The following RAD51B variants were observed in gnomAD, a reference collection of about 807,000 sequenced individuals.
The protein encoded by RAD51B is DNA repair protein RAD51 homolog 2.
RAD51B carries 38 observed loss-of-function variants against 42.2 expected under a neutral mutation model. The ratio of observed to expected loss-of-function variants is 0.90; its 90% CI spans 0.70 to 1.18. The LOEUF is 1.18. Among genes scored for constraint, RAD51B ranks in the 50% most tolerant of loss-of-function variants. The pLI, the probability that RAD51B is intolerant of heterozygous loss-of-function variation, is 0.00. For missense variants in RAD51B, 373 were observed against 400.7 expected, an observed-to-expected ratio of 0.93 and a Z score of 0.59; for synonymous variants, 154 against 145.2, an observed-to-expected ratio of 1.06 and a Z score of -0.43.
At chr14:67,930,943 C>T (rs1432751497) in intron 7 of RAD51B, among the ~76,000 whole-genome samples, 4 of 140,592 alleles carry the variant, frequency 2.8e-5, no homozygotes, top group South Asian at 4.4e-4. Context: ...TTTTTTGAGA[C>T]GGAGTCTCGC....
At chr14:67,897,708 G>A (rs1334331201) in intron 7 of RAD51B, among the ~76,000 whole-genome samples, 1 of 150,784 alleles carries the variant, frequency 6.6e-6, no homozygotes, top group Non-Finnish European at 1.5e-5. Context: ...GGAGTGCAAT[G>A]GCGCCATCTC....
At chr14:67,895,500 T>C (rs931408524) in intron 7 of RAD51B, among the ~76,000 whole-genome samples, 2 of 152,220 alleles carry the variant, frequency 1.3e-5, no homozygotes, top group Non-Finnish European at 2.9e-5. Flanking sequence ...CTACATCATT[T>C]TCCCAAAGTG....
chr14:68,436,239 G>A (rs2085144908), intron 9 of RAD51B, among the ~76,000 whole-genome samples: 1 of 152,084 alleles, frequency 6.6e-6, no homozygotes, highest in Non-Finnish European at 1.5e-5. Flanking sequence ...TCTGCCTATG[G>A]CTACCCAGCT....
At chr14:67,852,522 C>A (rs2041860451) in intron 4 of RAD51B, among the ~76,000 whole-genome samples, 1 of 152,168 alleles carries the variant, frequency 6.6e-6, no homozygotes, top group Non-Finnish European at 1.5e-5. Flanking sequence ...GTCTTCATGA[C>A]ACAACAGCTG....
chr14:68,448,039 T>C (rs1267847094), intron 9 of RAD51B, among the ~76,000 whole-genome samples: 1 of 152,140 alleles, frequency 6.6e-6, no homozygotes, highest in African/African-American at 2.4e-5. Flanking sequence ...CAAGTCTGAA[T>C]TGGGAGTGAG....
chr14:68,507,804 G>A (rs746225232), intron 10 of RAD51B, among the ~76,000 whole-genome samples: 12 of 152,162 alleles, frequency 7.9e-5, no homozygotes, highest in Admixed American at 2.0e-4. Flanking sequence ...CACGGTTCAC[G>A]TTCATGTTAT....
chr14:68,165,867 A>G (rs1294246259), intron 7 of RAD51B, among the ~76,000 whole-genome samples: 2 of 152,212 alleles, frequency 1.3e-5, no homozygotes, highest in Admixed American at 6.5e-5. Flanking sequence ...ATAATAATCC[A>G]TCTAATTTGG....
intron 7 of RAD51B, among the ~76,000 whole-genome samples, chr14:68,280,522 T>C (rs2081300445): frequency 6.6e-6 from 1 of 152,328 alleles, no homozygotes; most frequent in Non-Finnish European, 1.5e-5. Context: ...TGATAACGTT[T>C]ACCTCACTGA....
rs548594997 is a variant in RAD51B, at chr14:67,877,137, G to A, written c.453-8732G>A. Reference sequence around the variant, plus strand: ...TAATAAATAGATGTGGTCCAGGGATGCTAGCCATTCTGTAATGTGAGGGTC... The same window carrying A: ...TAATAAATAGATGTGGTCCAGGGATACTAGCCATTCTGTAATGTGAGGGTC... On this transcript the variant is annotated intron_variant, in intron 5 of 10. Coordinates refer to ENST00000471583, the MANE Select transcript of RAD51B (RefSeq NM_133510.4). Among the ~76,000 whole-genome samples, 10 of 152,178 alleles carry A rather than the reference G, an allele frequency of 6.6e-5. No homozygotes were observed. In the East Asian group the frequency reaches 1.7e-3, roughly 26 times the overall value.
At chr14:68,062,350 G>GT (rs1443790579) in intron 7 of RAD51B, among the ~76,000 whole-genome samples, 1 of 152,170 alleles carries the variant, frequency 6.6e-6, no homozygotes, top group Non-Finnish European at 1.5e-5. Context: ...TTGGCCTGTA[G>GT]TTTTCTCTTT....
At chr14:68,003,732 T>C (rs1287871599) in intron 7 of RAD51B, among the ~76,000 whole-genome samples, 1 of 152,202 alleles carries the variant, frequency 6.6e-6, no homozygotes, top group Non-Finnish European at 1.5e-5. Context: ...CATGAAAGGA[T>C]GTTGAATTTT....
intron 7 of RAD51B, among the ~76,000 whole-genome samples, chr14:68,132,196 G>A (rs895584596): frequency 6.6e-5 from 10 of 152,192 alleles, no homozygotes; most frequent in Non-Finnish European, 1.3e-4. Context: ...CTAAAGAATG[G>A]CAGGGAATCT....
intron 8 of RAD51B, among the ~76,000 whole-genome samples, chr14:68,396,489 A>G (rs1047792964): frequency 6.6e-6 from 1 of 152,224 alleles, no homozygotes; most frequent in African/African-American, 2.4e-5. Flanking sequence ...GAAATGTCAT[A>G]AAATAGTGAA....
At chr14:68,406,078 G>A (rs113078120) in intron 8 of RAD51B, among the ~76,000 whole-genome samples, 305 of 152,230 alleles carry the variant, frequency 2.0e-3, no homozygotes, top group Non-Finnish European at 3.7e-3. Context: ...AAATTTAGTG[G>A]AAATAACTTT....
chr14:68,102,158 G>T (rs937194488), intron 7 of RAD51B, among the ~76,000 whole-genome samples: 1 of 152,164 alleles, frequency 6.6e-6, no homozygotes, highest in African/African-American at 2.4e-5. Context: ...CCCTGGGCTT[G>T]GTCCACAAAA....
At chr14:68,104,037 T>C (rs1413326753) in intron 7 of RAD51B, among the ~76,000 whole-genome samples, 3 of 152,160 alleles carry the variant, frequency 2.0e-5, no homozygotes, top group Non-Finnish European at 2.9e-5. Flanking sequence ...TGAGGTAACC[T>C]CCTTCAATGT....
intron 5 of RAD51B, among the ~76,000 whole-genome samples, chr14:67,873,850 A>G (rs2042631269): frequency 6.8e-6 from 1 of 146,470 alleles, no homozygotes; most frequent in Non-Finnish European, 1.5e-5. Context: ...AAAAAACCAG[A>G]CACTGCATAT....
intron 10 of RAD51B, among the ~76,000 whole-genome samples, chr14:68,585,985 C>A (rs1011411046): frequency 6.6e-6 from 1 of 152,128 alleles, no homozygotes; most frequent in Non-Finnish European, 1.5e-5. Flanking sequence ...CAGATCTCAT[C>A]AAGGCCCTGC....
rs554918730 is a variant in RAD51B at position 67,924,311 on chromosome 14, T to A, written c.756+37107T>A. 3.3e-5 allele frequency among the ~76,000 whole-genome samples: 5 copies of A among 152,284 alleles called. No homozygotes were observed. The East Asian group carries it at 9.6e-4, about 29-fold the overall frequency. On this transcript the variant is annotated intron_variant, in intron 7 of 10. Coordinates refer to ENST00000471583, the MANE Select transcript of RAD51B (RefSeq NM_133510.4). Reference sequence around the variant, plus strand: ...GTCATGAAAACTTTGCTTAAGCCAATGTCTAGAAGGGGTTTTCCAATGTTA... The same window carrying A: ...GTCATGAAAACTTTGCTTAAGCCAAAGTCTAGAAGGGGTTTTCCAATGTTA...
Sources: gnomAD v4.1 joint callset for allele counts (sites outside exome capture counted in the v4.1 genomes callset) on GRCh38, gnomAD v4.1.1 for gene constraint, MANE v1.5 for transcripts, NCBI Gene and HGNC (gene_info 2026-07-23, HGNC 2026-07-21) for gene names.